The following RBFOX3 variants were observed in gnomAD, a reference collection of about 807,000 sequenced individuals.
The protein encoded by RBFOX3 is RNA binding protein fox-1 homolog 3.
RBFOX3 carries 17 observed loss-of-function variants against 48.7 expected under a neutral mutation model. The observed-to-expected ratio is 0.35, with a 90% confidence interval of 0.24 to 0.52. The LOEUF (loss-of-function observed/expected upper bound fraction) is 0.52, where lower values mean the gene tolerates loss of function less well. Among genes scored for constraint, RBFOX3 ranks in the 20% least tolerant of loss-of-function variants. The probability of loss-of-function intolerance (pLI) is 0.94; values close to 1 mark genes in which losing one functional copy is unlikely to be tolerated. For synonymous variants in RBFOX3, 212 were observed against 209.5 expected (o/e 1.01, Z -0.10); for missense variants, 382 against 497.5 (o/e 0.77, Z 2.21).
chr17:79,244,686 C>T (rs2062876524), intron 3 of RBFOX3, among the ~76,000 whole-genome samples: 1 of 151,580 alleles, frequency 6.6e-6, no homozygotes, highest in Non-Finnish European at 1.5e-5. Context: ...TCACAGGTGC[C>T]CCTCCTAGAG....
At chr17:79,648,475 G>C in the RBFOX3 span, among the ~76,000 whole-genome samples, 4 of 152,212 alleles carry the variant, frequency 2.6e-5, no homozygotes, top group African/African-American at 9.6e-5. Flanking sequence ...TGTGGGGACA[G>C]GCGTGGCCCC....
chr17:79,514,455 G>A (rs1443817292), intron 1 of RBFOX3, among the ~76,000 whole-genome samples: 1 of 152,248 alleles, frequency 6.6e-6, no homozygotes, highest in African/African-American at 2.4e-5. Flanking sequence ...TCACAGATGA[G>A]GTCACGGGTG....
intron 4 of RBFOX3, among the ~76,000 whole-genome samples, chr17:79,231,396 C>T (rs1290137876): frequency 6.6e-6 from 1 of 152,164 alleles, no homozygotes; most frequent in Non-Finnish European, 1.5e-5. Context: ...GAACTTTTTA[C>T]TGTTCATGGG....
chr17:79,328,569 G>T (rs969295857), intron 2 of RBFOX3, among the ~76,000 whole-genome samples: 1 of 152,184 alleles, frequency 6.6e-6, no homozygotes, highest in Admixed American at 6.5e-5. Flanking sequence ...AACAGCACAG[G>T]TCTGGGTGGT....
At chr17:79,183,632 G>A (rs889809178) in intron 4 of RBFOX3, among the ~76,000 whole-genome samples, 7 of 152,216 alleles carry the variant, frequency 4.6e-5, no homozygotes, top group Non-Finnish European at 7.3e-5. Context: ...GAGATCGGGC[G>A]AGCGGGCGAG....
chr17:79,186,622 C>T (rs2612767), intron 4 of RBFOX3, among the ~76,000 whole-genome samples: 42,325 of 151,986 alleles, frequency 0.28, 7,026 homozygotes, highest in Admixed American at 0.42. Context: ...GCTCCTGGGG[C>T]GGAGGGAGGC....
intron 2 of RBFOX3, among the ~76,000 whole-genome samples, chr17:79,330,695 T>TG (rs2080144129): frequency 6.6e-6 from 1 of 151,976 alleles, no homozygotes; most frequent in African/African-American, 2.4e-5. Flanking sequence ...CATGTGGGCT[T>TG]GGGGATCATG....
chr17:79,507,915 G>C (rs951482267), intron 1 of RBFOX3, among the ~76,000 whole-genome samples: 2 of 152,188 alleles, frequency 1.3e-5, no homozygotes, highest in Admixed American at 1.3e-4. Flanking sequence ...CAGTGAGGGG[G>C]CCACACACTC....
At chr17:79,549,583 C>T (rs947311247) in intron 1 of RBFOX3, among the ~76,000 whole-genome samples, 5 of 152,258 alleles carry the variant, frequency 3.3e-5, no homozygotes, top group Admixed American at 3.3e-4. Context: ...TCCAGCCTCC[C>T]ACCCAAAGCG....
In RBFOX3 at chr17:79,388,511, A is replaced by G. The variant is rs1038305537; in HGVS notation, c.-174-80687T>C. ...CTGCATGCGCCTTACTTAGTCACCA[A>G]AGGCAGGCATTTTTAAAAGAGAAGA... On this transcript the variant is annotated intron_variant, in intron 2 of 14. Coordinates refer to ENST00000693108, the MANE Select transcript of RBFOX3 (RefSeq NM_001350451.2). 2.0e-5 allele frequency among the ~76,000 whole-genome samples: 3 copies of G among 152,204 alleles called. No individual in the cohort carries two copies. In the East Asian group the frequency reaches 5.8e-4, roughly 29 times the overall value.
At chr17:79,600,188 C>A (rs1252009443) in intron 1 of RBFOX3, 4 of 152,398 alleles carry the variant, frequency 2.6e-5, no homozygotes, top group African/African-American at 7.2e-5. Flanking sequence ...ATACATGACA[C>A]ACACATGTGC....
In RBFOX3 at chr17:79,418,329, C is replaced by T. The variant is rs1568214665; in HGVS notation, c.-175+64125G>A. ...GCACACCCACCCATGCACACGCGTG[C>T]ACACACGTTTCCCACACTAAAAGTT... On this transcript the variant is annotated intron_variant, in intron 2 of 14. Coordinates refer to ENST00000693108, the MANE Select transcript of RBFOX3 (RefSeq NM_001350451.2). This position sits in a 1 kb window ranked among gnomAD's most constrained non-coding sequence, Gnocchi z 5.0. Among the ~76,000 whole-genome samples, 1 of 152,208 alleles carries T rather than the reference C, an allele frequency of 6.6e-6. No individual in the cohort carries two copies. Among genetic ancestry groups the T allele is most frequent in the East Asian group, 1.9e-4 (1 of 5,200 alleles).
In RBFOX3 at chr17:79,102,359, C is replaced by T. The variant is rs374397435; in HGVS notation, c.508-715G>A. Among the ~76,000 whole-genome samples, 48 of 152,296 alleles carry T rather than the reference C, an allele frequency of 3.2e-4. 2 individuals are homozygous for T. Among genetic ancestry groups the T allele is most frequent in the East Asian group, 2.7e-3 (14 of 5,172 alleles). ...TGCGTCCTCCATTGAGCCCCGAGGG[C>T]GTGGGGCTGCAGCCTGGCCAAGCCA... On this transcript the variant is annotated intron_variant, in intron 8 of 14. Transcript: ENST00000693108.
At chr17:79,352,308 A>C (rs1375394222) in intron 2 of RBFOX3, among the ~76,000 whole-genome samples, 2 of 152,106 alleles carry the variant, frequency 1.3e-5, no homozygotes. Context: ...AGTGTGTAGC[A>C]CTGCCCTCTT....
chr17:79,611,190 T>C (rs2093965976), upstream of RBFOX3, among the ~76,000 whole-genome samples: 1 of 111,114 alleles, frequency 9.0e-6, no homozygotes, highest in African/African-American at 3.4e-5. Flanking sequence ...TCCTTCTCTC[T>C]CTCTCTCTCT....
At chr17:79,154,369 G>A (rs960588153) in intron 4 of RBFOX3, among the ~76,000 whole-genome samples, 13 of 152,208 alleles carry the variant, frequency 8.5e-5, no homozygotes, top group Non-Finnish European at 1.6e-4. Context: ...CGGGGACCCC[G>A]CAGACTGTGA....
chr17:79,375,906 G>A (rs1191261403), intron 2 of RBFOX3, among the ~76,000 whole-genome samples: 1 of 152,238 alleles, frequency 6.6e-6, no homozygotes, highest in African/African-American at 2.4e-5. Context: ...GCTTCTTTGT[G>A]CTTCAGTTTC....
Position 79,101,626 on chromosome 17 carries a change from G to A in RBFOX3, c.526C>T (p.Arg176Ter), listed in dbSNP as rs1250398633. ...CCCGTCTTCTTGTTGGTCATCACTC[G>A]GGCCGTGGCATTATTGACCTGTTCA... ...RKIEVNNATA[R>*]VMTNKKTGNP... Residue 176 changes from arginine (R) to a stop codon, truncating the protein, a stop_gained, in exon 9 of 15, where the codon CGA (arginine) becomes TGA (stop). Transcript: ENST00000693108. LOFTEE classifies it high-confidence loss of function. 3 of 1,551,278 alleles carry A rather than the reference G, an allele frequency of 1.9e-6. No homozygotes were observed. Among genetic ancestry groups the A allele is most frequent in the Non-Finnish European group, 1.7e-6 (2 of 1,146,924 alleles).
intron 1 of RBFOX3, among the ~76,000 whole-genome samples, chr17:79,522,034 G>A (rs2086185852): frequency 6.6e-6 from 1 of 152,190 alleles, no homozygotes. Context: ...TCACCCGACG[G>A]AATCTTGGAC....
Sources: allele counts gnomAD v4.1 joint callset (sites outside exome capture counted in the v4.1 genomes callset), GRCh38; gene constraint gnomAD v4.1.1; non-coding constraint Gnocchi (gnomAD v3.1); transcripts MANE v1.5; gene names NCBI Gene and HGNC (gene_info 2026-07-23, HGNC 2026-07-21).